Variants in ABRAXAS2 observed in about 807,000 individuals in gnomAD.
ABRAXAS2 encodes BRISC complex subunit Abraxas 2.
A neutral mutation model predicts 49.0 loss-of-function variants in ABRAXAS2; 23 were observed. The ratio of observed to expected loss-of-function variants is 0.47; its 90% confidence interval spans 0.34 to 0.66. The LOEUF (loss-of-function observed/expected upper bound fraction) is 0.66. ABRAXAS2 is among the 30% of genes least tolerant of loss of function. The pLI, the probability that ABRAXAS2 is intolerant of heterozygous loss-of-function variation, is 0.01. For missense variants in ABRAXAS2, 443 were observed against 511.9 expected (o/e 0.87, Z 1.30); for synonymous variants, 168 against 180.2 (o/e 0.93, Z 0.54).
chr10:124,817,621 C>G (rs1950833835), intron 3 of ABRAXAS2, among the ~76,000 whole-genome samples: 1 of 152,142 alleles, frequency 6.6e-6, no homozygotes, highest in Non-Finnish European at 1.5e-5. Flanking sequence ...CCAGCCAGCC[C>G]TTTCTGCTTG....
Position 124,835,692 on chromosome 10 carries a change from A to G in ABRAXAS2, c.*721A>G, listed in dbSNP as rs1327432372. On this transcript the variant is annotated 3_prime_UTR_variant, in exon 9 of 9. Transcript: ENST00000298492. ...TTTTCTTTGATGGATTACAGTGACT[A>G]CTGTGTTGCACTGGCACATTTATGG... is the stretch of plus-strand genomic sequence containing the variant. The G allele has an allele frequency of 1.3e-5, 2 of 152,196 alleles. No individual in the cohort carries two copies. Among genetic ancestry groups the G allele is most frequent in the Non-Finnish European group, 2.9e-5 (2 of 68,042 alleles). 9.4% of individuals were successfully genotyped at this position (152,196 alleles called of 1,614,324 possible).
intron 8 of ABRAXAS2, among the ~76,000 whole-genome samples, chr10:124,833,131 G>A (rs191723554): frequency 0.012 from 1,620 of 138,980 alleles, 7 homozygotes; most frequent in Non-Finnish European, 0.017. Flanking sequence ...GGGCAACAGA[G>A]CAAGACTCTG....
chr10:124,812,877 C>T (rs7097400), intron 2 of ABRAXAS2, among the ~76,000 whole-genome samples: 8,749 of 152,236 alleles, frequency 0.057, 817 homozygotes, highest in African/African-American at 0.2. Flanking sequence ...CTTTCCATTA[C>T]TCTTTGCAAT....
intron 2 of ABRAXAS2, among the ~76,000 whole-genome samples, chr10:124,816,086 A>G (rs1325029138): frequency 1.3e-5 from 2 of 151,864 alleles, no homozygotes; most frequent in Non-Finnish European, 2.9e-5. Flanking sequence ...TATTTTTAGT[A>G]GAGACGGGGT....
Position 124,816,563 on chromosome 10 carries a change from TTTC to T in ABRAXAS2, c.164-11_164-9del. 6.3e-7 allele frequency: 1 copy of T among 1,591,796 alleles called. No homozygotes were observed. The highest frequency in any genetic ancestry group is 8.6e-7 in the Non-Finnish European group (1 of 1,160,986). On this transcript the variant is annotated splice_polypyrimidine_tract_variant and intron_variant, in intron 2 of 8. Coordinates refer to ENST00000298492, the MANE Select transcript of ABRAXAS2 (RefSeq NM_032182.4). ...ATGATTAACTAAGATGTATTTCCTC[TTTC>T]TAATTACAGAAATCCATAACCATCA...
chr10:124,834,552 C>G lies in ABRAXAS2; in HGVS notation c.829C>G (p.Pro277Ala), dbSNP rs1458705375. The G allele has an allele frequency of 6.2e-7, 1 of 1,613,948 alleles. No homozygotes were observed. The highest frequency in any genetic ancestry group is 8.5e-7 in the Non-Finnish European group (1 of 1,180,028). ...SRQMPSESLD[P>A]AFSPRMPSSG... The stretch of plus-strand genomic sequence containing the variant: ...ACAGATGCCGTCTGAAAGCTTGGAC[C>G]CAGCGTTCAGTCCTCGGATGCCGTC... Residue 277 changes from proline to alanine, a missense_variant, in exon 9 of 9, where the codon CCA becomes GCA. By Grantham distance (27) the Pro-to-Ala change is conservative. Around this residue, in one of 3 missense-constraint regions of ABRAXAS2, gnomAD observed 230 missense variants for 237.0 expected, o/e 0.97. Coordinates refer to ENST00000298492, the MANE Select transcript of ABRAXAS2 (RefSeq NM_032182.4).
At chr10:124,822,032 T>C (rs1950864567) in intron 4 of ABRAXAS2, among the ~76,000 whole-genome samples, 1 of 152,192 alleles carries the variant, frequency 6.6e-6, no homozygotes, top group African/African-American at 2.4e-5. Context: ...TTGCTTAAGG[T>C]CATCAGCAAT....
intron 6 of ABRAXAS2, 33 bp from the exon 7 acceptor site, chr10:124,829,360 C>T (rs979741312): frequency 6.9e-7 from 1 of 1,454,056 alleles, no homozygotes; most frequent in Non-Finnish European, 9.6e-7. Flanking sequence ...GTTATGATAA[C>T]CTTGAGGCAT....
chr10:124,803,923 C>T (rs570163510), intron 1 of ABRAXAS2, among the ~76,000 whole-genome samples: 1 of 152,258 alleles, frequency 6.6e-6, no homozygotes, highest in Middle Eastern at 3.4e-3. Context: ...CCATTTTTAG[C>T]TTACAGGCCG....
chr10:124,820,809 GTTCTATAAAGATTC>G (rs1405850166), intron 4 of ABRAXAS2, among the ~76,000 whole-genome samples: 1 of 151,974 alleles, frequency 6.6e-6, no homozygotes, highest in Non-Finnish European at 1.5e-5. Context: ...ACTAAAATTT[GTTCTATAAAGATTC>G]TTTTTGGAGC....
intron 3 of ABRAXAS2, among the ~76,000 whole-genome samples, chr10:124,817,697 C>T (rs928546231): frequency 3.9e-5 from 6 of 152,130 alleles, no homozygotes; most frequent in African/African-American, 1.4e-4. Context: ...GGCCCAAACA[C>T]CTGGCCCCCT....
chr10:124,818,398 CAAAA>C lies in ABRAXAS2; in HGVS notation c.201-971_201-968del, dbSNP rs754223417. 2.2e-4 allele frequency among the ~76,000 whole-genome samples: 13 copies of C among 59,788 alleles called. No homozygotes were observed. In the South Asian group the frequency reaches 4.5e-3, roughly 21 times the overall value. 39.2% of individuals were successfully genotyped at this position (59,788 alleles called of 152,430 possible). A position where few individuals can be genotyped will look rare whatever the true frequency, so the allele number is the denominator to read the frequency against. ...GTGACAGAGCGAGACTCCATCTCAACAAAAAAAAAAAAAAAAAAGATTAGACTCA... is the reference window on the plus strand; with the variant it reads ...GTGACAGAGCGAGACTCCATCTCAACAAAAAAAAAAAAAAGATTAGACTCA... On this transcript the variant is annotated intron_variant, in intron 3 of 8. Coordinates refer to ENST00000298492, the MANE Select transcript of ABRAXAS2 (RefSeq NM_032182.4).
chr10:124,817,240 G>A (rs1950830342), intron 3 of ABRAXAS2, among the ~76,000 whole-genome samples: 1 of 152,128 alleles, frequency 6.6e-6, no homozygotes, highest in Non-Finnish European at 1.5e-5. Context: ...ACAAGAGGGG[G>A]ACTACTGTAT....
intron 2 of ABRAXAS2, among the ~76,000 whole-genome samples, chr10:124,814,701 G>C (rs1318824941): frequency 6.6e-6 from 1 of 151,594 alleles, no homozygotes; most frequent in Non-Finnish European, 1.5e-5. Context: ...TCAGGCTGGG[G>C]TGTAGCGACA....
At chr10:124,811,215 A>T (rs567987666) in intron 2 of ABRAXAS2, among the ~76,000 whole-genome samples, 175 of 152,062 alleles carry the variant, frequency 1.2e-3, no homozygotes, top group African/African-American at 2.9e-3. Flanking sequence ...CCATCTCAAA[A>T]AAATAAATAA....
chr10:124,830,047 A>G (rs529966932), intron 7 of ABRAXAS2, among the ~76,000 whole-genome samples: 1 of 152,198 alleles, frequency 6.6e-6, no homozygotes, highest in African/African-American at 2.4e-5. Context: ...AGTTTGCTCT[A>G]AAACCTAAGA....
At chr10:124,816,709 A>T (rs1029599509) in intron 3 of ABRAXAS2, 97 bp downstream of exon 3, 1 of 828,682 alleles carries the variant, frequency 1.2e-6, no homozygotes, top group Non-Finnish European at 2.0e-6. Flanking sequence ...CTGTAAAGTC[A>T]TGAGGGTACC....
chr10:124,807,311 T>C (rs1306483399), intron 2 of ABRAXAS2, among the ~76,000 whole-genome samples: 4 of 55,014 alleles, frequency 7.3e-5, no homozygotes, highest in Non-Finnish European at 1.3e-4. Flanking sequence ...AGACTCTGTC[T>C]CAAAAAAAAA....
intron 2 of ABRAXAS2, among the ~76,000 whole-genome samples, chr10:124,808,039 C>T (rs554908206): frequency 3.9e-5 from 6 of 152,312 alleles, no homozygotes; most frequent in East Asian, 3.9e-4. Context: ...GCTATAGACA[C>T]GCCCACTCTC....
Sources: gnomAD v4.1 joint callset for allele counts (sites outside exome capture counted in the v4.1 genomes callset) on GRCh38, gnomAD v4.1.1 for gene constraint, gnomAD v4.1.1 regional missense constraint, MANE v1.5 for transcripts, NCBI Gene and HGNC (gene_info 2026-07-23, HGNC 2026-07-21) for gene names.